STARD13: variants seen among roughly 807,000 people sequenced by gnomAD.
STARD13 encodes the protein StAR related lipid transfer domain containing 13, also known as stAR-related lipid transfer protein 13.
Under a neutral mutation model 106.4 loss-of-function variants are expected in STARD13, and 62 were observed. The ratio of observed to expected loss-of-function variants is 0.58; its 90% CI spans 0.48 to 0.72. The LOEUF (loss-of-function observed/expected upper bound fraction) is 0.72, where lower values mean the gene tolerates loss of function less well. STARD13 is among the 30% of genes least tolerant of loss of function. The pLI is 0.00. For missense variants in STARD13, 1,387 were observed against 1,424.0 expected, an observed-to-expected ratio of 0.97 and a Z score of 0.42; for synonymous variants, 565 against 553.0, an observed-to-expected ratio of 1.02 and a Z score of -0.31.
intron 8 of STARD13, among the ~76,000 whole-genome samples, chr13:33,116,806 A>G (rs1215272612): frequency 6.6e-6 from 1 of 152,212 alleles, no homozygotes; most frequent in Admixed American, 6.5e-5. Flanking sequence ...TGAAAAACTA[A>G]TATTTACTTA....
the STARD13 span, among the ~76,000 whole-genome samples, chr13:33,437,204 G>A: frequency 6.6e-6 from 1 of 152,146 alleles, no homozygotes; most frequent in South Asian, 2.1e-4. Flanking sequence ...GTATAGAAAA[G>A]CACTGTGAAA....
At chr13:33,114,838 A>T (rs757367307) in intron 8 of STARD13, among the ~76,000 whole-genome samples, 1 of 151,774 alleles carries the variant, frequency 6.6e-6, no homozygotes, top group Non-Finnish European at 1.5e-5. Context: ...TATTATTATT[A>T]TTATTTACTA....
the STARD13 span, among the ~76,000 whole-genome samples, chr13:33,559,824 T>C: frequency 6.6e-6 from 1 of 151,322 alleles, no homozygotes; most frequent in Non-Finnish European, 1.5e-5. Flanking sequence ...GCCACTGCAC[T>C]CCAGCCTGGG....
At chr13:33,404,104 C>A in the STARD13 span, among the ~76,000 whole-genome samples, 1 of 152,064 alleles carries the variant, frequency 6.6e-6, no homozygotes. Flanking sequence ...ATTGGTTTTG[C>A]GTAGCTGAAA....
the STARD13 span, among the ~76,000 whole-genome samples, chr13:33,383,183 T>TCTCAC: frequency 6.6e-6 from 1 of 152,332 alleles, no homozygotes; most frequent in South Asian, 2.1e-4. Context: ...GCCACATGGG[T>TCTCAC]AGCGTATGCT....
At chr13:33,490,166 TTAAGGAATTCCACATGCTTA>T in the STARD13 span, among the ~76,000 whole-genome samples, 1 of 152,294 alleles carries the variant, frequency 6.6e-6, no homozygotes, top group South Asian at 2.1e-4. Flanking sequence ...TTTATGTGTT[TTAAGGAATTCCACATGCTTA>T]TTTTGCGCTG....
chr13:33,273,419 C>CTTTA (rs1333502382), intron 1 of STARD13, among the ~76,000 whole-genome samples: 2 of 152,166 alleles, frequency 1.3e-5, no homozygotes, highest in Non-Finnish European at 1.5e-5. Context: ...TAAGACTGTA[C>CTTTA]TAAAGGATGT....
chr13:33,381,745 T>TA, the STARD13 span, among the ~76,000 whole-genome samples: 1 of 151,942 alleles, frequency 6.6e-6, no homozygotes. Flanking sequence ...CTCTCAAAAA[T>TA]AAAAAAATAA....
At chr13:33,578,320 A>G in the STARD13 span, among the ~76,000 whole-genome samples, 1 of 152,208 alleles carries the variant, frequency 6.6e-6, no homozygotes, top group South Asian at 2.1e-4. Context: ...TCAATGGAGT[A>G]GAATATAGAA....
upstream of STARD13, among the ~76,000 whole-genome samples, chr13:33,287,479 A>G (rs1191620318): frequency 6.6e-6 from 1 of 152,170 alleles, no homozygotes; most frequent in Non-Finnish European, 1.5e-5. Context: ...AGAAAGATCT[A>G]TGGGGCCATA....
chr13:33,127,393 G>T lies in STARD13; in HGVS notation c.1902C>A (p.Ser634=). 6.2e-7 allele frequency: 1 copy of T among 1,601,066 alleles called. No homozygotes were observed. ...CGCACCATGTCCAGCCGTGCTTGTT[G>T]GACATGGAGTGCTTCTCCATGATGG... ...LTAIMEKHSM[S]NKHGWTWSVP... is the part of the protein sequence containing the mutation. The change falls in exon 6 of 14, where the codon TCC becomes TCA. Residue 634 remains serine (S), a synonymous_variant. Transcript: ENST00000336934.
At chr13:33,277,312 C>T (rs1891496175) in intron 1 of STARD13, 1 of 152,126 alleles carries the variant, frequency 6.6e-6, no homozygotes, top group South Asian at 2.1e-4. Flanking sequence ...GGAGGAAAAA[C>T]ATCTGAAGAA....
At chr13:33,550,998 C>T in the STARD13 span, among the ~76,000 whole-genome samples, 2 of 152,140 alleles carry the variant, frequency 1.3e-5, no homozygotes, top group African/African-American at 2.4e-5. Flanking sequence ...TAAATGCTTC[C>T]TCTTTTCTTT....
the STARD13 span, among the ~76,000 whole-genome samples, chr13:33,627,197 G>A: frequency 6.6e-6 from 1 of 152,250 alleles, no homozygotes; most frequent in Non-Finnish European, 1.5e-5. Flanking sequence ...GATATAAAGG[G>A]TATTTATCTA....
chr13:33,429,129 A>C, the STARD13 span, among the ~76,000 whole-genome samples: 1 of 152,242 alleles, frequency 6.6e-6, no homozygotes, highest in Non-Finnish European at 1.5e-5. Flanking sequence ...TTCTCAAAAC[A>C]CTAAAAATTG....
At chr13:33,665,267 A>G in the STARD13 span, among the ~76,000 whole-genome samples, 2 of 152,236 alleles carry the variant, frequency 1.3e-5, no homozygotes, top group African/African-American at 4.8e-5. Flanking sequence ...TTATGCAATA[A>G]ATTTTCAAAG....
chr13:33,547,189 A>G, the STARD13 span, among the ~76,000 whole-genome samples: 4 of 152,106 alleles, frequency 2.6e-5, no homozygotes, highest in South Asian at 8.3e-4. Flanking sequence ...TTTACTAACA[A>G]CTGGATTTAG....
intron 8 of STARD13, 174 bp downstream of exon 8, chr13:33,117,890 TG>T: frequency 1.0e-6 from 1 of 985,382 alleles, no homozygotes; most frequent in Non-Finnish European, 1.2e-6. Context: ...AAATGGCTTG[TG>T]GATTTCCATA....
chr13:33,673,585 C>T, the STARD13 span, among the ~76,000 whole-genome samples: 2 of 144,488 alleles, frequency 1.4e-5, no homozygotes, highest in African/African-American at 5.6e-5. Flanking sequence ...ACTCTGTCAC[C>T]ATGCTGGAGT....
Sources: allele counts gnomAD v4.1 joint callset (sites outside exome capture counted in the v4.1 genomes callset), GRCh38; gene constraint gnomAD v4.1.1; transcripts MANE v1.5; gene names NCBI Gene and HGNC (gene_info 2026-07-23, HGNC 2026-07-21).